The following DGUOK variants were observed in gnomAD, a reference collection of about 807,000 sequenced individuals.
DGUOK encodes the protein deoxyguanosine kinase.
Under a neutral mutation model 36.6 loss-of-function variants are expected in DGUOK, and 30 were observed. The ratio of observed to expected loss-of-function variants is 0.82; its 90% CI spans 0.61 to 1.11. DGUOK has a LOEUF of 1.11. DGUOK is among the 50% of genes most tolerant of loss of function. DGUOK has a pLI of 0.00. For synonymous variants in DGUOK, 145 were observed against 126.3 expected (o/e 1.15, Z -0.99); for missense variants, 361 against 336.4 (o/e 1.07, Z -0.57).
chr2:73,937,248 C>T (rs780123940), intron 1 of DGUOK, among the ~76,000 whole-genome samples: 7 of 152,250 alleles, frequency 4.6e-5, no homozygotes, highest in Admixed American at 2.6e-4. Flanking sequence ...ACCATGGCCA[C>T]AAGGCCCTAT....
At chr2:73,956,359 A>C (rs957263175) in intron 4 of DGUOK, among the ~76,000 whole-genome samples, 1 of 152,242 alleles carries the variant, frequency 6.6e-6, no homozygotes, top group African/African-American at 2.4e-5. Flanking sequence ...ATTACCTAAC[A>C]TTTTATAAAT....
intron 3 of DGUOK, among the ~76,000 whole-genome samples, chr2:73,948,935 C>T (rs544762929): frequency 1.3e-5 from 2 of 152,286 alleles, no homozygotes; most frequent in Admixed American, 1.3e-4. Context: ...ATTAGCAAAT[C>T]TTTAATTTCT....
At chr2:73,942,536 G>A (rs946132643) in intron 2 of DGUOK, among the ~76,000 whole-genome samples, 2 of 152,022 alleles carry the variant, frequency 1.3e-5, no homozygotes, top group African/African-American at 4.8e-5. Flanking sequence ...TCTGAAACTG[G>A]TTATTGCTGT....
intron 1 of DGUOK, among the ~76,000 whole-genome samples, chr2:73,935,835 G>A (rs1681421752): frequency 6.6e-6 from 1 of 152,164 alleles, no homozygotes; most frequent in African/African-American, 2.4e-5. Flanking sequence ...TATTGTTCCA[G>A]TCATTGGAAC....
At chr2:73,958,687 T>G (rs1350359039) in intron 6 of DGUOK, 23 bp from the exon 7 acceptor site, 1 of 1,603,858 alleles carries the variant, frequency 6.2e-7, no homozygotes, top group Admixed American at 1.7e-5. Flanking sequence ...GAAATTAAAC[T>G]TCTGATTTTC....
At chr2:73,940,667 C>G (rs1328295307) in intron 2 of DGUOK, among the ~76,000 whole-genome samples, 5 of 152,116 alleles carry the variant, frequency 3.3e-5, no homozygotes, top group Non-Finnish European at 5.9e-5. Flanking sequence ...AATGGTGGCC[C>G]CATAAGATTA....
At chr2:73,957,266 A>C in intron 5 of DGUOK, 26 bp downstream of exon 5, 1 of 1,571,174 alleles carries the variant, frequency 6.4e-7, no homozygotes, top group East Asian at 2.2e-5. Context: ...AGAATGTATC[A>C]GAGACAGAGA....
intron 1 of DGUOK, among the ~76,000 whole-genome samples, chr2:73,927,987 AC>A (rs1680733338): frequency 6.6e-6 from 1 of 152,228 alleles, no homozygotes; most frequent in South Asian, 2.1e-4. Context: ...TGTGAATAGA[AC>A]AAATAAAAAT....
chr2:73,950,866 C>T, intron 4 of DGUOK, 134 bp downstream of exon 4: 1 of 1,216,876 alleles, frequency 8.2e-7, no homozygotes, highest in Non-Finnish European at 1.2e-6. Context: ...CAGTGGGGGA[C>T]ACCCTCCTGT....
chr2:73,932,778 C>G (rs1681152754), intron 1 of DGUOK: 1 of 548,858 alleles, frequency 1.8e-6, no homozygotes, highest in Non-Finnish European at 2.8e-6. Flanking sequence ...GAAAATTGAT[C>G]AGTGAAGTAG....
intron 1 of DGUOK, among the ~76,000 whole-genome samples, chr2:73,931,843 T>A (rs186077605): frequency 3.9e-5 from 6 of 152,176 alleles, no homozygotes; most frequent in Admixed American, 3.9e-4. Context: ...CAGGCCTGAA[T>A]AGAAGAACTG....
At chr2:73,945,725 T>C (rs886770471) in intron 2 of DGUOK, among the ~76,000 whole-genome samples, 8 of 152,244 alleles carry the variant, frequency 5.3e-5, no homozygotes, top group Non-Finnish European at 1.2e-4. Context: ...AATTCACTTT[T>C]GCATTGTTGA....
At chr2:73,957,365 T>C in intron 5 of DGUOK, 125 bp downstream of exon 5, 2 of 767,880 alleles carry the variant, frequency 2.6e-6, no homozygotes, top group East Asian at 2.7e-5. Context: ...TGGTTGGAAA[T>C]GTCAAGCATT....
rs12329037 is a variant in DGUOK, at chr2:73,953,290, A to G, written c.591+2558A>G. Reference sequence around the variant, plus strand: ...GATGATGATGATGATCATCATCATCATCGTCGTCGTCGTCGTCGTCGTCGT... The same window carrying G: ...GATGATGATGATGATCATCATCATCGTCGTCGTCGTCGTCGTCGTCGTCGT... On this transcript the variant is annotated intron_variant, in intron 4 of 6. Coordinates refer to ENST00000264093, the MANE Select transcript of DGUOK (RefSeq NM_080916.3). Among the ~76,000 whole-genome samples, 748 of 140,808 alleles carry G rather than the reference A, an allele frequency of 5.3e-3. 6 individuals are homozygous for G. The highest frequency in any genetic ancestry group is 8.3e-3 in the Non-Finnish European group (528 of 63,928). The allele number at this position is 140,808 out of a possible 152,430, so 92.4% of individuals were successfully genotyped here.
chr2:73,946,074 C>A (rs1682283482), intron 2 of DGUOK, among the ~76,000 whole-genome samples: 1 of 109,238 alleles, frequency 9.2e-6, no homozygotes, highest in Non-Finnish European at 2.0e-5. Context: ...AAAAAAAAAT[C>A]CGGGGCTGCT....
intron 3 of DGUOK, 176 bp downstream of exon 3, chr2:73,947,082 T>C (rs1457241197): frequency 1.4e-6 from 1 of 690,786 alleles, no homozygotes; most frequent in Non-Finnish European, 2.5e-6. Context: ...CAGATTGTCA[T>C]CTATGTCAAG....
chr2:73,947,723 C>T (rs112554689), intron 3 of DGUOK: 6 of 152,554 alleles, frequency 3.9e-5, no homozygotes, highest in African/African-American at 1.4e-4. Flanking sequence ...GATCTGGACA[C>T]TGCTGGAGTT....
chr2:73,928,893 T>C (rs1680803730), intron 1 of DGUOK, among the ~76,000 whole-genome samples: 1 of 152,184 alleles, frequency 6.6e-6, no homozygotes, highest in South Asian at 2.1e-4. Flanking sequence ...TTAACAAAAA[T>C]TGAGTTACAT....
At position 73,946,843 on chromosome 2, in the gene DGUOK, C is replaced by G; in HGVS notation, c.380C>G (p.Pro127Arg). 1 of 1,613,896 alleles carries G rather than the reference C, an allele frequency of 6.2e-7. No individual in the cohort carries two copies. The highest frequency in any genetic ancestry group is 8.5e-7 in the Non-Finnish European group (1 of 1,180,004). The change falls in exon 3 of 7, where the codon CCT becomes CGT. Residue 127 changes from proline to arginine, a missense_variant. Transcript: ENST00000264093. The part of the protein sequence containing the change: ...SRLKVQLEPF[P>R]EKLLQARKPV... Reference sequence around the variant, plus strand: ...CTGAAAGTACAGCTGGAGCCCTTCCCTGAGAAACTCTTACAGGCCAGGAAG... The same window carrying G: ...CTGAAAGTACAGCTGGAGCCCTTCCGTGAGAAACTCTTACAGGCCAGGAAG...
Sources: gnomAD v4.1 joint callset for allele counts (sites outside exome capture counted in the v4.1 genomes callset) on GRCh38, gnomAD v4.1.1 for gene constraint, MANE v1.5 for transcripts, NCBI Gene and HGNC (gene_info 2026-07-23, HGNC 2026-07-21) for gene names.